EYS: variants seen among roughly 807,000 people sequenced by gnomAD.
EYS encodes the protein protein eyes shut homolog.
In EYS, 250 loss-of-function variants were observed where a neutral mutation model predicts 282.1. The observed-to-expected ratio is 0.89, with a 90% confidence interval of 0.80 to 0.98. The LOEUF is 0.98. Among genes scored for constraint, EYS ranks in the 50% least tolerant of loss-of-function variants. EYS has a pLI of 0.00. For synonymous variants in EYS, 1,355 were observed against 1,282.9 expected (o/e 1.06, Z -1.20); for missense variants, 4,016 against 3,709.0 (o/e 1.08, Z -2.15).
chr6:65,690,406 C>A (rs1361671330), intron 1 of EYS, among the ~76,000 whole-genome samples: 1 of 149,728 alleles, frequency 6.7e-6, no homozygotes, highest in Non-Finnish European at 1.5e-5. Flanking sequence ...CCTCATGCGT[C>A]CGTTTATAAA....
chr6:63,758,745 A>G (rs1021969299), intron 41 of EYS, among the ~76,000 whole-genome samples: 1 of 152,054 alleles, frequency 6.6e-6, no homozygotes, highest in Non-Finnish European at 1.5e-5. Context: ...CTATTTTCTG[A>G]TCTTTGTATC....
intron 19 of EYS, among the ~76,000 whole-genome samples, chr6:64,881,187 T>G (rs1052144397): frequency 1.3e-5 from 2 of 151,836 alleles, no homozygotes; most frequent in African/African-American, 2.4e-5. Flanking sequence ...GTATGTGAGC[T>G]GGGTTTTTGT....
chr6:64,452,480 G>C (rs1775389733), intron 26 of EYS, among the ~76,000 whole-genome samples: 1 of 152,058 alleles, frequency 6.6e-6, no homozygotes, highest in Non-Finnish European at 1.5e-5. Context: ...GCTACCAATG[G>C]CTTTCTTCAC....
chr6:64,210,913 C>T (rs1042660415), intron 31 of EYS, among the ~76,000 whole-genome samples: 1 of 152,164 alleles, frequency 6.6e-6, no homozygotes, highest in Admixed American at 6.6e-5. Context: ...AGCTGATACA[C>T]CCTTCTTTGC....
intron 2 of EYS, among the ~76,000 whole-genome samples, chr6:65,569,607 A>T (rs2127351354): frequency 6.6e-6 from 1 of 152,170 alleles, no homozygotes; most frequent in African/African-American, 2.4e-5. Context: ...GGTGCTCAAG[A>T]TATTCTTCAG....
intron 14 of EYS, among the ~76,000 whole-genome samples, chr6:64,985,344 C>T (rs1770820393): frequency 6.6e-6 from 1 of 151,438 alleles, no homozygotes; most frequent in Non-Finnish European, 1.5e-5. Flanking sequence ...GGGGATCTGA[C>T]TAATTAAGCC....
At chr6:64,419,669 C>T (rs1402587383) in intron 28 of EYS, among the ~76,000 whole-genome samples, 1 of 152,196 alleles carries the variant, frequency 6.6e-6, no homozygotes, top group African/African-American at 2.4e-5. Context: ...GTCATTAAAC[C>T]TTAAAGTTCT....
chr6:64,777,708 ATAAGG>A (rs1773721957), intron 22 of EYS, among the ~76,000 whole-genome samples: 1 of 152,160 alleles, frequency 6.6e-6, no homozygotes, highest in Admixed American at 6.5e-5. Context: ...TGGTTCATAT[ATAAGG>A]TATTCTGGAG....
In EYS at chr6:65,495,186, G is replaced by A. The variant is rs1188251507; in HGVS notation, c.225C>T (p.Pro75=). The change falls in exon 4 of 43, where the codon CCC becomes CCT. Residue 75 remains proline, a synonymous_variant. Transcript: ENST00000503581. ...ATTGAATTTGCAAAGGGCAAATCTG[G>A]GGAACAGCTTGATTGCCTGAAGTAT... The part of the protein sequence containing the change: ...KIDTSGNQAV[P]QICPLQIQLG... The A allele has an allele frequency of 3.7e-6, 6 of 1,613,984 alleles. No individual in the cohort carries two copies. Among genetic ancestry groups the A allele is most frequent in the Non-Finnish European group, 1.7e-6 (2 of 1,179,996 alleles).
In EYS at chr6:65,628,235, C is replaced by T. The variant is rs536136129; in HGVS notation, c.-333+11543G>A. Among the ~76,000 whole-genome samples the T allele has an allele frequency of 6.6e-5, 10 of 151,564 alleles. No individual in the cohort carries two copies. In the East Asian group the frequency reaches 1.6e-3, roughly 24 times the overall value. ...TTTGTGAGTGCACCAATCGACACTC[C>T]GTATCTAGCTGCTCTGGTGGGGCCT... On this transcript the variant is annotated intron_variant, in intron 2 of 42. Coordinates refer to ENST00000503581, the MANE Select transcript of EYS (RefSeq NM_001142800.2).
chr6:64,240,252 C>T (rs986329105), intron 30 of EYS, among the ~76,000 whole-genome samples: 1 of 152,108 alleles, frequency 6.6e-6, no homozygotes, highest in Non-Finnish European at 1.5e-5. Flanking sequence ...TTTTTGGTTC[C>T]ATATGAAATT....
At chr6:64,115,985 C>T (rs947269746) in intron 31 of EYS, among the ~76,000 whole-genome samples, 1 of 151,306 alleles carries the variant, frequency 6.6e-6, no homozygotes, top group Non-Finnish European at 1.5e-5. Context: ...TAGTGAGCTA[C>T]AAGAAAACAT....
intron 22 of EYS, among the ~76,000 whole-genome samples, chr6:64,679,682 A>T (rs2149903198): frequency 6.6e-6 from 1 of 152,302 alleles, no homozygotes; most frequent in South Asian, 2.1e-4. Flanking sequence ...AGCTTTGACA[A>T]CTGAGTGTGT....
At chr6:65,668,563 G>T (rs529863490) in intron 1 of EYS, among the ~76,000 whole-genome samples, 1 of 151,910 alleles carries the variant, frequency 6.6e-6, no homozygotes, top group South Asian at 2.1e-4. Context: ...TGTATTATCT[G>T]CCCTTTATCA....
chr6:64,777,968 C>T (rs1773730578), intron 22 of EYS, among the ~76,000 whole-genome samples: 2 of 151,794 alleles, frequency 1.3e-5, no homozygotes, highest in African/African-American at 2.4e-5. Context: ...AATGAGATTC[C>T]AACCCAATTA....
At chr6:64,884,044 A>G (rs1767006819) in intron 19 of EYS, among the ~76,000 whole-genome samples, 1 of 151,638 alleles carries the variant, frequency 6.6e-6, no homozygotes, top group Non-Finnish European at 1.5e-5. Flanking sequence ...AAAATGAAGA[A>G]GTATCGAGTT....
intron 36 of EYS, among the ~76,000 whole-genome samples, chr6:63,810,426 C>A (rs897911245): frequency 7.9e-5 from 12 of 151,332 alleles, no homozygotes; most frequent in Non-Finnish European, 1.3e-4. Flanking sequence ...ATAAATAGTT[C>A]AGATTTCAGA....
At chr6:65,360,033 A>G (rs917701149) in intron 8 of EYS, among the ~76,000 whole-genome samples, 4 of 152,114 alleles carry the variant, frequency 2.6e-5, no homozygotes, top group Non-Finnish European at 4.4e-5. Context: ...CTATTCCCCA[A>G]TAAAAATATT....
chr6:64,036,839 T>G (rs1317919257), intron 33 of EYS, among the ~76,000 whole-genome samples: 4 of 152,192 alleles, frequency 2.6e-5, no homozygotes, highest in Non-Finnish European at 5.9e-5. Flanking sequence ...ACACTTGGCT[T>G]AAGTAACTTG....
Sources: gnomAD v4.1 joint callset for allele counts (sites outside exome capture counted in the v4.1 genomes callset) on GRCh38, gnomAD v4.1.1 for gene constraint, MANE v1.5 for transcripts, NCBI Gene and HGNC (gene_info 2026-07-23, HGNC 2026-07-21) for gene names.